The following SVOPL variants were observed in gnomAD, a reference collection of about 807,000 sequenced individuals.
The protein encoded by SVOPL is SVOP like, also known as putative transporter SVOPL.
Under a neutral mutation model 61.0 loss-of-function variants are expected in SVOPL, and 60 were observed. The observed-to-expected ratio is 0.98, with a 90% CI of 0.80 to 1.22. The LOEUF (loss-of-function observed/expected upper bound fraction) is 1.22, where lower values mean the gene tolerates loss of function less well. Among genes scored for constraint, SVOPL ranks in the 50% most tolerant of loss-of-function variants. The pLI is 0.00. For synonymous variants in SVOPL, 279 were observed against 250.0 expected, an observed-to-expected ratio of 1.12 and a Z score of -1.09; for missense variants, 662 against 643.9, an observed-to-expected ratio of 1.03 and a Z score of -0.30.
intron 4 of SVOPL, among the ~76,000 whole-genome samples, chr7:138,666,356 T>A (rs1201876446): frequency 6.6e-6 from 1 of 152,220 alleles, no homozygotes; most frequent in African/African-American, 2.4e-5. Context: ...TAGAAAGCAA[T>A]CGAGTCACTT....
chr7:138,686,088 T>G (rs555296855), intron 1 of SVOPL, among the ~76,000 whole-genome samples: 62 of 152,024 alleles, frequency 4.1e-4, no homozygotes, highest in Non-Finnish European at 5.0e-4. Flanking sequence ...AGCCAAGCTG[T>G]CCTTTTGCCA....
chr7:138,643,826 A>T (rs1017836620), intron 9 of SVOPL, among the ~76,000 whole-genome samples: 1 of 152,148 alleles, frequency 6.6e-6, no homozygotes, highest in African/African-American at 2.4e-5. Flanking sequence ...CTGGAGATGG[A>T]TGGTGGTTAT....
At chr7:138,633,969 A>G (rs1800343012) in intron 9 of SVOPL, among the ~76,000 whole-genome samples, 1 of 152,176 alleles carries the variant, frequency 6.6e-6, no homozygotes, top group Non-Finnish European at 1.5e-5. Flanking sequence ...ATCCCAAGAA[A>G]GCAAGGATTC....
At chr7:138,620,816 C>T (rs573147045) in intron 14 of SVOPL, among the ~76,000 whole-genome samples, 1 of 152,328 alleles carries the variant, frequency 6.6e-6, no homozygotes. Context: ...TAAAATGGAG[C>T]AAACCCTGAA....
At position 138,611,487 on chromosome 7, in the gene SVOPL, C is replaced by T. The variant is rs147404647; in HGVS notation, c.1353+9559G>A. Among the ~76,000 whole-genome samples, 643 of 152,220 alleles carry T rather than the reference C, an allele frequency of 4.2e-3. 2 individuals are homozygous for T. The highest frequency in any genetic ancestry group is 0.015 in the African/African-American group (610 of 41,470). ...AGCTCTGTTGATCTTTGACAACGTA[C>T]AGTTTCTCAATAAGTTCATGGCTTA... On this transcript the variant is annotated intron_variant, in intron 14 of 15. Coordinates refer to ENST00000674285, the MANE Select transcript of SVOPL (RefSeq NM_001139456.2).
chr7:138,626,338 G>A (rs1799892964), intron 12 of SVOPL, among the ~76,000 whole-genome samples: 1 of 152,156 alleles, frequency 6.6e-6, no homozygotes, highest in South Asian at 2.1e-4. Flanking sequence ...TGCAGTTTGG[G>A]AGGCCGAGGC....
chr7:138,662,978 G>A (rs1021691462), intron 5 of SVOPL, 96 bp downstream of exon 5: 87 of 1,578,322 alleles, frequency 5.5e-5, no homozygotes, highest in Non-Finnish European at 1.7e-5. Context: ...TTGGGTATTG[G>A]GAGGGAGATG....
intron 9 of SVOPL, among the ~76,000 whole-genome samples, chr7:138,635,211 G>T (rs530398786): frequency 2.6e-5 from 4 of 151,606 alleles, no homozygotes; most frequent in African/African-American, 9.7e-5. Flanking sequence ...AGCAGTGGTT[G>T]CAGTGAGCCA....
intron 14 of SVOPL, among the ~76,000 whole-genome samples, chr7:138,603,168 T>C (rs139402356): frequency 6.6e-6 from 1 of 152,320 alleles, no homozygotes; most frequent in East Asian, 1.9e-4. Context: ...TCTCTGGCAA[T>C]AAATTACAGA....
chr7:138,679,136 G>C (rs1802644858), intron 1 of SVOPL, 57 bp from the exon 2 acceptor site: 1 of 1,222,330 alleles, frequency 8.2e-7, no homozygotes, highest in Admixed American at 2.2e-5. Context: ...TGGATAGTTA[G>C]TATATGCCAG....
At chr7:138,692,149 C>T (rs1463213995) in intron 1 of SVOPL, among the ~76,000 whole-genome samples, 1 of 152,098 alleles carries the variant, frequency 6.6e-6, no homozygotes, top group Admixed American at 6.6e-5. Flanking sequence ...GCACTCCAGC[C>T]TGGGTGACAA....
At chr7:138,654,506 T>TTG (rs1206037217) in intron 7 of SVOPL, among the ~76,000 whole-genome samples, 11 of 146,756 alleles carry the variant, frequency 7.5e-5, no homozygotes, top group Non-Finnish European at 1.3e-4. Context: ...GTTTGTTTTT[T>TTG]TTTTTTTTTT....
chr7:138,630,200 A>G, intron 9 of SVOPL, 78 bp from the exon 10 acceptor site: 2 of 1,213,096 alleles, frequency 1.6e-6, no homozygotes, highest in East Asian at 2.3e-5. Context: ...TTTCGATCAT[A>G]GAAGATGAGA....
intron 3 of SVOPL, among the ~76,000 whole-genome samples, chr7:138,677,069 C>A (rs1181119482): frequency 3.9e-5 from 6 of 151,920 alleles, no homozygotes; most frequent in Admixed American, 6.6e-5. Context: ...ATGCCCGTCT[C>A]ATTTTTTTGT....
chr7:138,673,842 TG>T (rs1278758205), intron 3 of SVOPL, among the ~76,000 whole-genome samples: 2 of 151,936 alleles, frequency 1.3e-5, no homozygotes, highest in Non-Finnish European at 2.9e-5. Flanking sequence ...GGAGCCAGGG[TG>T]GGGTACACAG....
chr7:138,688,953 C>T (rs1438160867), intron 1 of SVOPL: 1 of 570,590 alleles, frequency 1.8e-6, no homozygotes. Context: ...TTCCTCTTTC[C>T]CTAAGCGGCC....
chr7:138,667,056 G>A (rs28625106), intron 4 of SVOPL, among the ~76,000 whole-genome samples: 13,643 of 151,986 alleles, frequency 0.09, 1,000 homozygotes, highest in East Asian at 0.23. Flanking sequence ...CTTTAAAAAC[G>A]CAAAAAAGGA....
At chr7:138,691,914 T>G (rs1232725938) in intron 1 of SVOPL, among the ~76,000 whole-genome samples, 2 of 151,944 alleles carry the variant, frequency 1.3e-5, no homozygotes, top group African/African-American at 4.8e-5. Context: ...GCCTCCCAGT[T>G]TCCAGGGATT....
chr7:138,619,600 A>T lies in SVOPL; in HGVS notation c.1353+1446T>A, dbSNP rs1244601316. Among the ~76,000 whole-genome samples the T allele has an allele frequency of 2.0e-5, 3 of 148,786 alleles. No homozygotes were observed. In the East Asian group the frequency reaches 5.9e-4, roughly 29 times the overall value. On this transcript the variant is annotated intron_variant, in intron 14 of 15. Coordinates refer to ENST00000674285, the MANE Select transcript of SVOPL (RefSeq NM_001139456.2). Reference sequence around the variant, plus strand: ...AAAAAAAAAAAAAAGTGAAAAAGACAGGTGGGGAAAACATTCCCAAGATAG... The same window carrying T: ...AAAAAAAAAAAAAAGTGAAAAAGACTGGTGGGGAAAACATTCCCAAGATAG...
Sources: allele counts gnomAD v4.1 joint callset (sites outside exome capture counted in the v4.1 genomes callset), GRCh38; gene constraint gnomAD v4.1.1; transcripts MANE v1.5; gene names NCBI Gene and HGNC (gene_info 2026-07-23, HGNC 2026-07-21).